MBNL1: variants seen among roughly 807,000 people sequenced by gnomAD.
The protein encoded by MBNL1 is muscleblind like splicing regulator 1, also known as muscleblind-like protein 1.
MBNL1 carries 8 observed loss-of-function variants against 42.2 expected under a neutral mutation model. The observed-to-expected ratio is 0.19, with a 90% CI of 0.11 to 0.34. The LOEUF (loss-of-function observed/expected upper bound fraction) is 0.34. MBNL1 is among the 10% of genes least tolerant of loss of function. The probability of loss-of-function intolerance (pLI) is 1.00; values close to 1 mark genes in which losing one functional copy is unlikely to be tolerated. For synonymous variants in MBNL1, 169 were observed against 173.9 expected, an observed-to-expected ratio of 0.97 and a Z score of 0.22; for missense variants, 309 against 495.3, an observed-to-expected ratio of 0.62 and a Z score of 3.57.
intron 4 of MBNL1, among the ~76,000 whole-genome samples, chr3:152,438,658 G>T (rs1247112314): frequency 6.6e-6 from 1 of 152,034 alleles, no homozygotes; most frequent in Non-Finnish European, 1.5e-5. Flanking sequence ...TCTGCAGTGG[G>T]GTTTGATAAT....
At chr3:152,334,616 C>T (rs1330616119) in intron 2 of MBNL1, among the ~76,000 whole-genome samples, 1 of 152,098 alleles carries the variant, frequency 6.6e-6, no homozygotes, top group East Asian at 1.9e-4. Context: ...AAAATTGTTT[C>T]TGTGCCAAGA....
intron 2 of MBNL1, among the ~76,000 whole-genome samples, chr3:152,389,861 A>G (rs1254439194): frequency 6.6e-6 from 1 of 152,006 alleles, no homozygotes; most frequent in East Asian, 1.9e-4. Context: ...AATTAACCTT[A>G]ATGTAATTTA....
At chr3:152,365,071 G>T (rs1221755241) in intron 2 of MBNL1, among the ~76,000 whole-genome samples, 1 of 152,002 alleles carries the variant, frequency 6.6e-6, no homozygotes, top group Non-Finnish European at 1.5e-5. Flanking sequence ...CAAACCTTAG[G>T]ATAGTTGCAG....
At chr3:152,347,703 T>C (rs903402364) in intron 2 of MBNL1, among the ~76,000 whole-genome samples, 1 of 152,266 alleles carries the variant, frequency 6.6e-6, no homozygotes, top group East Asian at 1.9e-4. Context: ...TGTTACTCTG[T>C]GCGTGTCATG....
chr3:152,283,261 C>G (rs2049561519), intron 1 of MBNL1, among the ~76,000 whole-genome samples: 1 of 152,102 alleles, frequency 6.6e-6, no homozygotes, highest in African/African-American at 2.4e-5. Context: ...CTTCTGAAAC[C>G]TAAGTGTTGC....
At chr3:152,404,549 G>C (rs1330413464) in intron 2 of MBNL1, among the ~76,000 whole-genome samples, 1 of 151,946 alleles carries the variant, frequency 6.6e-6, no homozygotes, top group East Asian at 1.9e-4. Flanking sequence ...TTCTCAAGCT[G>C]ACTTAACCAA....
At chr3:152,329,629 T>TG (rs2082742280) in intron 2 of MBNL1, among the ~76,000 whole-genome samples, 1 of 149,296 alleles carries the variant, frequency 6.7e-6, no homozygotes, top group Non-Finnish European at 1.5e-5. Context: ...GCCTGGGCAA[T>TG]GAAACAAGAC....
intron 4 of MBNL1, among the ~76,000 whole-genome samples, chr3:152,437,236 G>T (rs954396046): frequency 6.6e-6 from 1 of 152,058 alleles, no homozygotes; most frequent in African/African-American, 2.4e-5. Context: ...TAAACTATTG[G>T]CCAGTTCTTC....
intron 9 of MBNL1, among the ~76,000 whole-genome samples, chr3:152,461,170 C>CA (rs1415738283): frequency 6.6e-6 from 1 of 152,152 alleles, no homozygotes. Context: ...CAAAGCTGGA[C>CA]AAAGTCAAAG....
At chr3:152,419,468 A>G (rs1255628603) in intron 3 of MBNL1, among the ~76,000 whole-genome samples, 3 of 152,096 alleles carry the variant, frequency 2.0e-5, no homozygotes, top group Non-Finnish European at 2.9e-5. Flanking sequence ...CTGGAAGTGC[A>G]AGGGGTCAGG....
intron 1 of MBNL1, among the ~76,000 whole-genome samples, chr3:152,289,288 G>C (rs1470693288): frequency 2.6e-5 from 4 of 151,990 alleles, no homozygotes; most frequent in Non-Finnish European, 4.4e-5. Flanking sequence ...TTGTTAAAAA[G>C]TAATTATATT....
intron 1 of MBNL1, among the ~76,000 whole-genome samples, chr3:152,280,276 G>A (rs930765562): frequency 1.3e-5 from 2 of 152,136 alleles, no homozygotes; most frequent in African/African-American, 2.4e-5. Flanking sequence ...CTGTTTGTGG[G>A]CAGAGTGTGG....
chr3:152,341,523 G>C (rs1247229117), intron 2 of MBNL1, among the ~76,000 whole-genome samples: 1 of 152,128 alleles, frequency 6.6e-6, no homozygotes, highest in Non-Finnish European at 1.5e-5. Flanking sequence ...ATTTCTATAA[G>C]AATTTCTGCC....
intron 4 of MBNL1, among the ~76,000 whole-genome samples, chr3:152,444,937 TATTA>T: frequency 6.6e-6 from 1 of 152,216 alleles, no homozygotes; most frequent in East Asian, 1.9e-4. Context: ...TTATTGGTGA[TATTA>T]ATTTTGATCA....
At chr3:152,305,193 C>T (rs1577462355) in intron 2 of MBNL1, among the ~76,000 whole-genome samples, 1 of 152,294 alleles carries the variant, frequency 6.6e-6, no homozygotes, top group South Asian at 2.1e-4. Flanking sequence ...GGCTGTTTCT[C>T]ACTTAAAAGA....
chr3:152,431,025 T>C (rs928776417), intron 3 of MBNL1, among the ~76,000 whole-genome samples: 2 of 152,220 alleles, frequency 1.3e-5, no homozygotes, highest in Non-Finnish European at 2.9e-5. Context: ...ACATATTCTG[T>C]TTTTTCATAT....
At chr3:152,301,996 C>A (rs1388500643) in intron 2 of MBNL1, 1 of 152,174 alleles carries the variant, frequency 6.6e-6, no homozygotes, top group Non-Finnish European at 1.5e-5. Context: ...ACACAGAAGA[C>A]CTGCTTCTAC....
chr3:152,313,726 A>G (rs1175691827), intron 2 of MBNL1, among the ~76,000 whole-genome samples: 1 of 152,210 alleles, frequency 6.6e-6, no homozygotes, highest in Non-Finnish European at 1.5e-5. Flanking sequence ...TGTTGTTTGA[A>G]AAAATTAAAA....
At chr3:152,460,217 G>A (rs1742729061) in intron 9 of MBNL1, among the ~76,000 whole-genome samples, 1 of 150,976 alleles carries the variant, frequency 6.6e-6, no homozygotes, top group African/African-American at 2.4e-5. Context: ...TTGCGCCACT[G>A]CACTCCAGCC....
Sources: gnomAD v4.1 joint callset for allele counts (sites outside exome capture counted in the v4.1 genomes callset) on GRCh38, gnomAD v4.1.1 for gene constraint, MANE v1.5 for transcripts, NCBI Gene and HGNC (gene_info 2026-07-23, HGNC 2026-07-21) for gene names.